MSI2: variants seen among roughly 807,000 people sequenced by gnomAD.
MSI2 encodes the protein musashi RNA binding protein 2, also known as RNA-binding protein Musashi homolog 2.
In MSI2, 17 loss-of-function variants were observed where a neutral mutation model predicts 45.6. That is an observed-to-expected ratio of 0.37 (90% confidence interval 0.26 to 0.56). MSI2 has a LOEUF of 0.56. Among genes scored for constraint, MSI2 ranks in the 20% least tolerant of loss-of-function variants. MSI2 has a pLI of 0.77. For missense variants in MSI2, 293 were observed against 444.2 expected, an observed-to-expected ratio of 0.66 and a Z score of 3.06; for synonymous variants, 156 against 158.2, an observed-to-expected ratio of 0.99 and a Z score of 0.11.
chr17:57,326,752 A>G (rs2143702415), intron 5 of MSI2, among the ~76,000 whole-genome samples: 1 of 152,346 alleles, frequency 6.6e-6, no homozygotes, highest in Admixed American at 6.5e-5. Flanking sequence ...GATAGATGGG[A>G]AAACCAAGGC....
chr17:57,579,230 A>T (rs2144356829), intron 7 of MSI2, among the ~76,000 whole-genome samples: 1 of 152,344 alleles, frequency 6.6e-6, no homozygotes, highest in South Asian at 2.1e-4. Flanking sequence ...CCAGACACAA[A>T]TAAATTGAAG....
intron 6 of MSI2, among the ~76,000 whole-genome samples, chr17:57,429,411 T>C (rs1235347845): frequency 1.3e-5 from 2 of 152,210 alleles, no homozygotes; most frequent in Non-Finnish European, 2.9e-5. Flanking sequence ...ATGTTTGTAA[T>C]GACCATCCAG....
At chr17:57,446,700 T>C (rs1475149681) in intron 6 of MSI2, among the ~76,000 whole-genome samples, 6 of 152,196 alleles carry the variant, frequency 3.9e-5, no homozygotes, top group African/African-American at 1.2e-4. Context: ...AGGAACATCA[T>C]TGACTCTGAA....
chr17:57,506,877 G>T (rs2086240944), intron 6 of MSI2, among the ~76,000 whole-genome samples: 1 of 152,132 alleles, frequency 6.6e-6, no homozygotes, highest in African/African-American at 2.4e-5. Flanking sequence ...TGACAGCTAG[G>T]AAATGCCTGG....
intron 5 of MSI2, chr17:57,267,700 T>C (rs1907939123): frequency 6.6e-6 from 1 of 151,944 alleles, no homozygotes; most frequent in Non-Finnish European, 1.5e-5. Flanking sequence ...GGTTAATCCT[T>C]GTTCATTGCC....
chr17:57,563,783 C>CAT (rs770941710), intron 7 of MSI2, among the ~76,000 whole-genome samples: 1 of 146,428 alleles, frequency 6.8e-6, no homozygotes, highest in Non-Finnish European at 1.5e-5. Flanking sequence ...CACACACACA[C>CAT]ATAGGCCTCT....
chr17:57,539,270 T>C (rs1388076019), intron 7 of MSI2, among the ~76,000 whole-genome samples: 1 of 151,986 alleles, frequency 6.6e-6, no homozygotes, highest in African/African-American at 2.4e-5. Flanking sequence ...GCAATACTTT[T>C]TGAATTTTTG....
chr17:57,352,823 G>A (rs1011241216), intron 5 of MSI2, among the ~76,000 whole-genome samples: 20 of 152,222 alleles, frequency 1.3e-4, no homozygotes, highest in Non-Finnish European at 2.6e-4. Flanking sequence ...GCCTTGGCCA[G>A]AAGGAGAAGG....
rs146635445 is a variant in MSI2 at position 57,269,869 on chromosome 17, T to C, written c.312+7677T>C. Among the ~76,000 whole-genome samples the C allele has an allele frequency of 2.4e-3, 364 of 152,234 alleles. 3 individuals carry two copies. The highest frequency in any genetic ancestry group is 8.4e-3 in the African/African-American group (351 of 41,542). On this transcript the variant is annotated intron_variant, in intron 5 of 13. Transcript: ENST00000284073. ...GTGTCTGCTTGGTGAAGAATATGCA[T>C]TTTTGGAATCATGATCTCTGCTTTC...
intron 5 of MSI2, among the ~76,000 whole-genome samples, chr17:57,386,677 G>A (rs372822520): frequency 6.6e-5 from 10 of 151,958 alleles, no homozygotes; most frequent in African/African-American, 2.2e-4. Flanking sequence ...CATTGACCAC[G>A]ACCCTCCCTT....
At position 57,269,410 on chromosome 17, in the gene MSI2, C is replaced by T. The variant is rs186515186; in HGVS notation, c.312+7218C>T. On this transcript the variant is annotated intron_variant, in intron 5 of 13. Transcript: ENST00000284073. ...GCTGGGGTCACTGATAGGACCATGG[C>T]GGATGCTGTTGCCTGGAGAACTTCC... Among the ~76,000 whole-genome samples the T allele has an allele frequency of 9.1e-4, 139 of 152,252 alleles. 1 individual carries two copies. Among genetic ancestry groups the T allele is most frequent in the African/African-American group, 3.1e-3 (129 of 41,564 alleles).
downstream of MSI2, among the ~76,000 whole-genome samples, chr17:57,687,666 C>T (rs2108612): frequency 6.6e-6 from 1 of 151,816 alleles, no homozygotes; most frequent in South Asian, 2.1e-4. Flanking sequence ...ATAATTCCAG[C>T]ACCATTTAAA....
intron 6 of MSI2, among the ~76,000 whole-genome samples, chr17:57,439,022 A>T (rs1458380970): frequency 1.3e-5 from 2 of 152,084 alleles, no homozygotes; most frequent in Admixed American, 1.3e-4. Flanking sequence ...GGCTGGTCTC[A>T]AACTCCTGAC....
intron 6 of MSI2, among the ~76,000 whole-genome samples, chr17:57,478,002 C>T (rs2085574364): frequency 6.6e-6 from 1 of 152,214 alleles, no homozygotes; most frequent in Non-Finnish European, 1.5e-5. Flanking sequence ...CTGGCTGCAG[C>T]TCAGAGGGTA....
chr17:57,597,458 T>A, intron 8 of MSI2, among the ~76,000 whole-genome samples: 1 of 93,194 alleles, frequency 1.1e-5, no homozygotes, highest in African/African-American at 4.1e-5. Context: ...TAGCCAGACC[T>A]CATCTCTTAA....
chr17:57,284,327 A>G (rs542099126), intron 5 of MSI2, among the ~76,000 whole-genome samples: 96 of 150,740 alleles, frequency 6.4e-4, no homozygotes, highest in African/African-American at 2.2e-3. Flanking sequence ...CCTGCCATCC[A>G]CCCCGCACCC....
At chr17:57,461,982 A>G (rs2085239239) in intron 6 of MSI2, among the ~76,000 whole-genome samples, 1 of 152,160 alleles carries the variant, frequency 6.6e-6, no homozygotes, top group Non-Finnish European at 1.5e-5. Flanking sequence ...TGCCTCAGCT[A>G]CAGAAATGCC....
At chr17:57,414,665 G>T (rs766195866) in intron 6 of MSI2, among the ~76,000 whole-genome samples, 11 of 152,172 alleles carry the variant, frequency 7.2e-5, no homozygotes, top group Non-Finnish European at 1.5e-4. Context: ...CTCCCAAAAT[G>T]CTGGGATTAC....
At chr17:57,698,110 C>T in the MSI2 span, among the ~76,000 whole-genome samples, 1 of 152,156 alleles carries the variant, frequency 6.6e-6, no homozygotes, top group African/African-American at 2.4e-5. Context: ...ACCTTCCTGT[C>T]ACTCTTCCCT....
Sources: gnomAD v4.1 joint callset for allele counts (sites outside exome capture counted in the v4.1 genomes callset) on GRCh38, gnomAD v4.1.1 for gene constraint, MANE v1.5 for transcripts, NCBI Gene and HGNC (gene_info 2026-07-23, HGNC 2026-07-21) for gene names.